DOCK11: variants seen among roughly 807,000 people sequenced by gnomAD.
DOCK11 encodes dedicator of cytokinesis protein 11.
A neutral mutation model predicts 169.1 loss-of-function variants in DOCK11; 70 were observed. The ratio of observed to expected loss-of-function variants is 0.41; its 90% CI spans 0.34 to 0.51. The LOEUF is 0.51. Ranked by LOEUF, DOCK11 falls within the 20% of genes least tolerant of loss-of-function variation. The probability of loss-of-function intolerance (pLI) is 0.10; values close to 1 mark genes in which losing one functional copy is unlikely to be tolerated. For missense variants in DOCK11, 1,166 were observed against 1,538.8 expected, an observed-to-expected ratio of 0.76 and a Z score of 4.05; for synonymous variants, 529 against 541.3, an observed-to-expected ratio of 0.98 and a Z score of 0.32.
At chrX:118,549,148 CT>C (rs1295714639) in intron 6 of DOCK11, among the ~76,000 whole-genome samples, 78 of 71,545 alleles carry the variant, frequency 1.1e-3, no homozygotes, top group Non-Finnish European at 1.1e-3. Context: ...ACATATAAAA[CT>C]TTTTTTTTTT....
Position 118,652,091 on chromosome X carries a change from T to A in DOCK11, c.4695+14T>A, listed in dbSNP as rs1185890189. 2 of 1,072,281 alleles carry A rather than the reference T, an allele frequency of 1.9e-6. No homozygotes were observed. Among genetic ancestry groups the A allele is most frequent in the Admixed American group, 2.5e-5 (1 of 40,485 alleles). 88.4% of individuals were successfully genotyped at this position (1,072,281 alleles called of 1,213,427 possible). A position where few individuals can be genotyped will look rare whatever the true frequency, so the allele number is the denominator to read the frequency against. On this transcript the variant is annotated intron_variant, in intron 42 of 52. Transcript: ENST00000276202. Reference sequence around the variant, plus strand: ...AGACCTATGAAGGTATGTTCTCATTTCAGATAATAAATTAGAACCACCTTT... The same window carrying A: ...AGACCTATGAAGGTATGTTCTCATTACAGATAATAAATTAGAACCACCTTT...
At chrX:118,544,155 GATGGATA>G (rs2012150900) in intron 4 of DOCK11, among the ~76,000 whole-genome samples, 1 of 112,150 alleles carries the variant, frequency 8.9e-6, no homozygotes, top group African/African-American at 3.2e-5. Context: ...TATAGCTGAT[GATGGATA>G]ATGTAGTGAG....
chrX:118,639,681 A>G, intron 38 of DOCK11, 104 bp downstream of exon 38: 1 of 860,768 alleles, frequency 1.2e-6, no homozygotes, highest in Non-Finnish European at 1.6e-6. Flanking sequence ...TGATCATTAC[A>G]CATTATATGC....
chrX:118,658,963 A>G (rs1006710303), intron 44 of DOCK11, among the ~76,000 whole-genome samples: 16 of 111,596 alleles, frequency 1.4e-4, no homozygotes, highest in Non-Finnish European at 2.8e-4. Flanking sequence ...TTCCTTTCCC[A>G]TAGAATCTGG....
chrX:118,646,644 G>C (rs1306282579), intron 40 of DOCK11, among the ~76,000 whole-genome samples: 3 of 111,729 alleles, frequency 2.7e-5, no homozygotes, highest in Admixed American at 9.5e-5. Context: ...ACTTAGTGTA[G>C]TGATGAGCTA....
intron 28 of DOCK11, among the ~76,000 whole-genome samples, chrX:118,614,413 T>C (rs1040541950): frequency 9.0e-6 from 1 of 111,138 alleles, no homozygotes. Flanking sequence ...TATGTATGTG[T>C]GTGTATGTAT....
intron 40 of DOCK11, among the ~76,000 whole-genome samples, chrX:118,647,599 A>ATAATATATCATATATT (rs1405263865): frequency 2.0e-5 from 1 of 49,917 alleles, no homozygotes; most frequent in African/African-American, 8.1e-5. Flanking sequence ...CTTATATATT[A>ATAATATATCATATATT]ATATATAAAT....
intron 1 of DOCK11, among the ~76,000 whole-genome samples, chrX:118,518,658 G>A (rs1800457391): frequency 8.9e-6 from 1 of 112,284 alleles, no homozygotes; most frequent in South Asian, 3.6e-4. Flanking sequence ...TTTTAAGGCA[G>A]TGAAACTACT....
chrX:118,628,573 T>C (rs1448746854), intron 34 of DOCK11, among the ~76,000 whole-genome samples: 2 of 112,599 alleles, frequency 1.8e-5, no homozygotes, highest in Non-Finnish European at 3.7e-5. Context: ...CTAATGTGCC[T>C]TGTTATTTAA....
chrX:118,519,368 C>A (rs765809298), intron 1 of DOCK11, among the ~76,000 whole-genome samples: 8 of 111,262 alleles, frequency 7.2e-5, no homozygotes, highest in Non-Finnish European at 1.5e-4. Context: ...GCCAACATGG[C>A]GAAACCCCAT....
intron 50 of DOCK11, 136 bp from the exon 51 acceptor site, chrX:118,681,558 C>T (rs1422636277): frequency 1.3e-5 from 6 of 451,761 alleles, no homozygotes. Context: ...TTGAAATAAA[C>T]TTGAAATAAG....
intron 33 of DOCK11, among the ~76,000 whole-genome samples, chrX:118,627,937 G>A (rs2015148249): frequency 8.9e-6 from 1 of 112,005 alleles, no homozygotes; most frequent in African/African-American, 3.2e-5. Context: ...CGGCTTCCAA[G>A]GAATTTCTTG....
chrX:118,682,959 A>G lies in DOCK11; in HGVS notation c.5964-120A>G. On this transcript the variant is annotated intron_variant, in intron 51 of 52. Transcript: ENST00000276202. ...TAAGAAATAAATGCACAGTGAGAAA[A>G]TAGAGGATTCTGATCTTCTTCCTAG... 1.1e-5 allele frequency: 7 copies of G among 657,872 alleles called. No individual in the cohort carries two copies. The South Asian group carries it at 1.4e-4, about 13-fold the overall frequency. 54.2% of individuals were successfully genotyped at this position (657,872 alleles called of 1,213,427 possible). A position where few individuals can be genotyped will look rare whatever the true frequency, so the allele number is the denominator to read the frequency against.
chrX:118,549,312 T>G (rs1474219987), intron 6 of DOCK11, among the ~76,000 whole-genome samples: 1 of 108,662 alleles, frequency 9.2e-6, no homozygotes, highest in Non-Finnish European at 1.9e-5. Flanking sequence ...GCCTGGCTAA[T>G]TTTTGTATTT....
intron 1 of DOCK11, among the ~76,000 whole-genome samples, chrX:118,525,852 C>T (rs1937175): frequency 0.024 from 2,623 of 111,332 alleles, 51 homozygotes; most frequent in South Asian, 0.068. Context: ...CGTAACACCT[C>T]CATTTGGAAT....
intron 44 of DOCK11, among the ~76,000 whole-genome samples, chrX:118,658,964 T>C (rs184766993): frequency 6.7e-4 from 75 of 111,763 alleles, no homozygotes; most frequent in African/African-American, 2.4e-3. Flanking sequence ...TCCTTTCCCA[T>C]AGAATCTGGT....
intron 51 of DOCK11, 37 bp downstream of exon 51, chrX:118,681,831 C>T (rs1315104591): frequency 2.5e-5 from 26 of 1,045,828 alleles, no homozygotes; most frequent in East Asian, 1.3e-4. Context: ...GACCCGTGTT[C>T]GTTTTCTCTA....
At chrX:118,557,028 T>A (rs2012720138) in intron 6 of DOCK11, among the ~76,000 whole-genome samples, 1 of 111,895 alleles carries the variant, frequency 8.9e-6, no homozygotes. Flanking sequence ...TTCTGTTGTA[T>A]GAAACCACTG....
At chrX:118,647,589 CTT>C (rs775515437) in intron 40 of DOCK11, among the ~76,000 whole-genome samples, 8,416 of 55,281 alleles carry the variant, frequency 0.15, 615 homozygotes, top group Non-Finnish European at 0.18. Context: ...TATAATATAT[CTT>C]ATATATTAAT....
Sources: gnomAD v4.1 joint callset for allele counts (sites outside exome capture counted in the v4.1 genomes callset) on GRCh38, gnomAD v4.1.1 for gene constraint, MANE v1.5 for transcripts, NCBI Gene and HGNC (gene_info 2026-07-23, HGNC 2026-07-21) for gene names.